WWOX: variants seen among roughly 807,000 people sequenced by gnomAD.
The protein encoded by WWOX is WW domain-containing oxidoreductase.
In WWOX, 69 loss-of-function variants were observed where a neutral mutation model predicts 46.2. That is an observed-to-expected ratio of 1.49 (90% CI 1.23 to 1.82). The LOEUF (loss-of-function observed/expected upper bound fraction) is 1.82, where lower values mean the gene tolerates loss of function less well. WWOX is among the 40% of genes most tolerant of loss of function. The pLI is 0.00. For missense variants in WWOX, 919 were observed against 542.6 expected (o/e 1.69, Z -6.89); for synonymous variants, 359 against 202.6 (o/e 1.77, Z -6.56).
chr16:78,646,215 C>G (rs905696005), intron 8 of WWOX, among the ~76,000 whole-genome samples: 1 of 152,094 alleles, frequency 6.6e-6, no homozygotes. Context: ...GAGATGATAT[C>G]TTGCTCTATT....
intron 8 of WWOX, among the ~76,000 whole-genome samples, chr16:78,592,461 C>T (rs370089665): frequency 2.6e-5 from 4 of 152,186 alleles, no homozygotes; most frequent in African/African-American, 9.7e-5. Flanking sequence ...AGAATGGAAA[C>T]ATTCCATAGG....
chr16:79,078,934 G>C lies in WWOX; in HGVS notation c.1057-132674G>C, dbSNP rs372081496. ...TTCCCTGTTAGGCCTCTCCCAACCAGAGATCAAAGATGATTGGCCCTGAAG... is the reference window on the plus strand; with the variant it reads ...TTCCCTGTTAGGCCTCTCCCAACCACAGATCAAAGATGATTGGCCCTGAAG... On this transcript the variant is annotated intron_variant, in intron 8 of 8. Transcript: ENST00000566780. 2.0e-5 allele frequency among the ~76,000 whole-genome samples: 3 copies of C among 152,250 alleles called. No individual in the cohort carries two copies. The South Asian group carries it at 6.2e-4, about 32-fold the overall frequency.
chr16:78,422,882 C>T (rs141897809), intron 6 of WWOX, among the ~76,000 whole-genome samples: 10,043 of 129,104 alleles, frequency 0.078, 544 homozygotes, highest in Non-Finnish European at 0.11. Flanking sequence ...CACACACACA[C>T]ACATATATTT....
chr16:78,834,633 C>T (rs567132140), intron 8 of WWOX, among the ~76,000 whole-genome samples: 1 of 152,052 alleles, frequency 6.6e-6, no homozygotes, highest in Admixed American at 6.6e-5. Flanking sequence ...AGACAGGGTT[C>T]CAGGAATTCT....
chr16:78,456,810 T>C (rs2083829475), intron 8 of WWOX, among the ~76,000 whole-genome samples: 1 of 152,250 alleles, frequency 6.6e-6, no homozygotes, highest in African/African-American at 2.4e-5. Context: ...TTTTAGTGAA[T>C]ACCAACATTA....
chr16:78,999,551 G>C (rs753169367), intron 8 of WWOX, among the ~76,000 whole-genome samples: 4 of 152,182 alleles, frequency 2.6e-5, no homozygotes, highest in African/African-American at 9.7e-5. Context: ...AGACATCAGC[G>C]ATTCAGAGTC....
chr16:79,155,277 G>A (rs950225808), intron 8 of WWOX, among the ~76,000 whole-genome samples: 2 of 152,150 alleles, frequency 1.3e-5, no homozygotes, highest in African/African-American at 4.8e-5. Context: ...TCGGGAGGCC[G>A]AGGCAGGAGA....
chr16:78,104,231 A>AACACACACACAC (rs376622174), intron 1 of WWOX, among the ~76,000 whole-genome samples: 1,753 of 130,186 alleles, frequency 0.013, 25 homozygotes, highest in Middle Eastern at 0.023. Context: ...CTGTGCTCAA[A>AACACACACACAC]ACACACACAC....
At chr16:79,103,361 C>T (rs1353559396) in intron 8 of WWOX, among the ~76,000 whole-genome samples, 1 of 152,202 alleles carries the variant, frequency 6.6e-6, no homozygotes. Context: ...CAGCTGAAAT[C>T]CTCAGTAAGG....
chr16:78,409,449 A>G (rs1002642692), intron 6 of WWOX, among the ~76,000 whole-genome samples: 27 of 152,058 alleles, frequency 1.8e-4, no homozygotes, highest in Non-Finnish European at 5.9e-5. Context: ...GCAATGTTAC[A>G]TAAACAGAAA....
At position 79,135,678 on chromosome 16, in the gene WWOX, C is replaced by T. The variant is rs374037239; in HGVS notation, c.1057-75930C>T. Among the ~76,000 whole-genome samples the T allele has an allele frequency of 3.6e-4, 55 of 152,104 alleles. No homozygotes were observed. In the South Asian group the frequency reaches 5.6e-3, roughly 16 times the overall value. On this transcript the variant is annotated intron_variant, in intron 8 of 8. Coordinates refer to ENST00000566780, the MANE Select transcript of WWOX (RefSeq NM_016373.4). Reference sequence around the variant, plus strand: ...GACCTCCCAAAATGTATTCACACACCCACCAAATCTAAGTGTCTGTGTAAC... The same window carrying T: ...GACCTCCCAAAATGTATTCACACACTCACCAAATCTAAGTGTCTGTGTAAC...
chr16:78,563,352 C>T (rs1253931763), intron 8 of WWOX, among the ~76,000 whole-genome samples: 1 of 151,840 alleles, frequency 6.6e-6, no homozygotes, highest in Non-Finnish European at 1.5e-5. Context: ...ATCACTGGAG[C>T]AGCTGCAGAT....
At chr16:78,631,861 A>T (rs991228720) in intron 8 of WWOX, among the ~76,000 whole-genome samples, 2 of 152,302 alleles carry the variant, frequency 1.3e-5, no homozygotes, top group Non-Finnish European at 1.5e-5. Context: ...AAGTAGGAGA[A>T]GCTTGCTCTC....
At chr16:78,410,896 G>T (rs1279113827) in intron 6 of WWOX, among the ~76,000 whole-genome samples, 4 of 151,844 alleles carry the variant, frequency 2.6e-5, no homozygotes, top group African/African-American at 7.3e-5. Flanking sequence ...ATGGCTGTTG[G>T]CAGAGGTCAC....
At chr16:78,630,799 G>C (rs1192701623) in intron 8 of WWOX, among the ~76,000 whole-genome samples, 1 of 152,116 alleles carries the variant, frequency 6.6e-6, no homozygotes, top group African/African-American at 2.4e-5. Flanking sequence ...GTATTCCTAA[G>C]ACATAGTTGG....
intron 8 of WWOX, among the ~76,000 whole-genome samples, chr16:78,617,851 T>A (rs74503046): frequency 6.6e-5 from 10 of 152,234 alleles, no homozygotes; most frequent in African/African-American, 2.4e-4. Flanking sequence ...TCTTGCTATA[T>A]TTTGACATTT....
chr16:78,415,824 C>A (rs2082785332), intron 6 of WWOX, among the ~76,000 whole-genome samples: 3 of 152,158 alleles, frequency 2.0e-5, no homozygotes, highest in Admixed American at 2.0e-4. Context: ...CCCCCGCCCC[C>A]ACCACTACCA....
At chr16:78,723,414 G>A (rs1452822537) in intron 8 of WWOX, among the ~76,000 whole-genome samples, 1 of 149,160 alleles carries the variant, frequency 6.7e-6, no homozygotes, top group South Asian at 2.2e-4. Flanking sequence ...TGCCCTGATG[G>A]TGCCAAGCTA....
In WWOX at chr16:78,892,706, G is replaced by T. The variant is rs548289490; in HGVS notation, c.1057-318902G>T. Among the ~76,000 whole-genome samples, 5 of 152,350 alleles carry T rather than the reference G, an allele frequency of 3.3e-5. No homozygotes were observed. In the South Asian group the frequency reaches 1.0e-3, roughly 32 times the overall value. ...TGAGGATCCATTGTCTTTTGGGCAG[G>T]TGATTGTGATACTATAGGAGCCGGT... On this transcript the variant is annotated intron_variant, in intron 8 of 8. Coordinates refer to ENST00000566780, the MANE Select transcript of WWOX (RefSeq NM_016373.4).
Sources: allele counts gnomAD v4.1 joint callset (sites outside exome capture counted in the v4.1 genomes callset), GRCh38; gene constraint gnomAD v4.1.1; transcripts MANE v1.5; gene names NCBI Gene and HGNC (gene_info 2026-07-23, HGNC 2026-07-21).